Variants in PDZRN3 observed in about 807,000 individuals in gnomAD.
The protein encoded by PDZRN3 is PDZ domain containing ring finger 3.
Under a neutral mutation model 85.7 loss-of-function variants are expected in PDZRN3, and 38 were observed. The ratio of observed to expected loss-of-function variants is 0.44; its 90% CI spans 0.34 to 0.58. The LOEUF (loss-of-function observed/expected upper bound fraction) is 0.58. Among genes scored for constraint, PDZRN3 ranks in the 20% least tolerant of loss-of-function variants. The probability of loss-of-function intolerance (pLI) is 0.01; values close to 1 mark genes in which losing one functional copy is unlikely to be tolerated. For missense variants in PDZRN3, 1,629 were observed against 1,506.4 expected, an observed-to-expected ratio of 1.08 and a Z score of -1.35; for synonymous variants, 759 against 638.0, an observed-to-expected ratio of 1.19 and a Z score of -2.86.
At chr3:73,437,459 T>TC (rs1702552242) in intron 3 of PDZRN3, among the ~76,000 whole-genome samples, 1 of 152,120 alleles carries the variant, frequency 6.6e-6, no homozygotes, top group Admixed American at 6.6e-5. Context: ...ACCTCACAGA[T>TC]CCCCAGAAAC....
intron 3 of PDZRN3, among the ~76,000 whole-genome samples, chr3:73,413,545 T>A (rs1322446689): frequency 1.3e-5 from 2 of 152,154 alleles, no homozygotes; most frequent in Admixed American, 6.5e-5. Flanking sequence ...AGCAGCTTCC[T>A]AAAAGTTGTG....
intron 3 of PDZRN3, among the ~76,000 whole-genome samples, chr3:73,436,621 T>C (rs963503849): frequency 1.4e-5 from 2 of 140,464 alleles, no homozygotes; most frequent in Non-Finnish European, 3.0e-5. Flanking sequence ...ATTTTACACA[T>C]CCTTTTTACT....
At chr3:73,393,148 G>A (rs1701562937) in intron 5 of PDZRN3, among the ~76,000 whole-genome samples, 2 of 152,106 alleles carry the variant, frequency 1.3e-5, no homozygotes, top group African/African-American at 4.8e-5. Context: ...ACCCCTGCAG[G>A]AGACACATCT....
In PDZRN3 at chr3:73,624,909, G is replaced by C. The variant is rs1702948184; in HGVS notation, c.-84C>G. 1 of 1,077,472 alleles carries C rather than the reference G, an allele frequency of 9.3e-7. No individual in the cohort carries two copies. Among genetic ancestry groups the C allele is most frequent in the Non-Finnish European group, 1.2e-6 (1 of 845,482 alleles). The allele number at this position is 1,077,472 out of a possible 1,614,324, so 66.7% of individuals were successfully genotyped here. ...GAGGCGGCCCAGACAGGCCGGCTAC[G>C]CCGCCCGCGCGCTCGCTGGCTCTCC... On this transcript the variant is annotated 5_prime_UTR_variant, in exon 1 of 10. Coordinates refer to ENST00000263666, the MANE Select transcript of PDZRN3 (RefSeq NM_015009.3).
At chr3:73,391,328 T>C (rs1701523505) in intron 5 of PDZRN3, among the ~76,000 whole-genome samples, 1 of 152,254 alleles carries the variant, frequency 6.6e-6, no homozygotes, top group Non-Finnish European at 1.5e-5. Context: ...ATAAAGTCAT[T>C]TTGAAAATAG....
intron 3 of PDZRN3, among the ~76,000 whole-genome samples, chr3:73,463,319 G>C (rs1462265449): frequency 1.3e-5 from 2 of 152,190 alleles, no homozygotes; most frequent in Non-Finnish European, 2.9e-5. Context: ...AAGGTGCCTG[G>C]TTACTTACTC....
intron 3 of PDZRN3, among the ~76,000 whole-genome samples, chr3:73,600,108 C>G (rs1368982585): frequency 6.6e-6 from 1 of 152,122 alleles, no homozygotes; most frequent in Non-Finnish European, 1.5e-5. Flanking sequence ...CTGCTCTGGT[C>G]TCAGAGAACA....
intron 6 of PDZRN3, among the ~76,000 whole-genome samples, chr3:73,390,116 G>A (rs966966811): frequency 4.6e-5 from 7 of 152,152 alleles, no homozygotes; most frequent in Non-Finnish European, 8.8e-5. Context: ...ACAGCAGTGT[G>A]TGCAGGCTCT....
chr3:73,481,516 G>A lies in PDZRN3; in HGVS notation c.919-77121C>T, dbSNP rs533679666. ...TGGCTAATTTTGTATTTTTAGTAGA[G>A]ATGGGGTTTCTCCATGTTGGTCAGG... On this transcript the variant is annotated intron_variant, in intron 3 of 9. Coordinates refer to ENST00000263666, the MANE Select transcript of PDZRN3 (RefSeq NM_015009.3). 6.6e-5 allele frequency among the ~76,000 whole-genome samples: 10 copies of A among 152,174 alleles called. No individual in the cohort carries two copies. In the South Asian group the frequency reaches 2.1e-3, roughly 32 times the overall value.
intron 3 of PDZRN3, among the ~76,000 whole-genome samples, chr3:73,463,773 T>C (rs559570567): frequency 8.3e-4 from 126 of 152,308 alleles, no homozygotes; most frequent in Non-Finnish European, 9.8e-4. Context: ...TCAACCTAAA[T>C]GCCTATCAGT....
chr3:73,535,668 C>A (rs1046440851), intron 3 of PDZRN3, among the ~76,000 whole-genome samples: 1 of 152,214 alleles, frequency 6.6e-6, no homozygotes, highest in Non-Finnish European at 1.5e-5. Flanking sequence ...GAAAACAAGT[C>A]AAGTTCCATT....
chr3:73,568,627 A>G (rs1032310922), intron 3 of PDZRN3, among the ~76,000 whole-genome samples: 6 of 152,208 alleles, frequency 3.9e-5, no homozygotes, highest in Non-Finnish European at 7.4e-5. Flanking sequence ...TCAGCAGGGG[A>G]TTCCCGGGCA....
At chr3:73,569,218 C>T (rs1702004734) in intron 3 of PDZRN3, 1 of 1,288,784 alleles carries the variant, frequency 7.8e-7, no homozygotes, top group Admixed American at 2.3e-5. Context: ...TCTGAAGGTC[C>T]TTCATAAATA....
intron 3 of PDZRN3, among the ~76,000 whole-genome samples, chr3:73,513,795 G>C (rs1052358106): frequency 6.6e-6 from 1 of 152,198 alleles, no homozygotes; most frequent in African/African-American, 2.4e-5. Context: ...TAATAGCTTA[G>C]TTTGTTGTTC....
chr3:73,474,471 C>T (rs1328868884), intron 3 of PDZRN3: 1 of 1,285,858 alleles, frequency 7.8e-7, no homozygotes, highest in South Asian at 1.2e-5. Flanking sequence ...CCATCTTCCA[C>T]CATGGGGTTT....
At chr3:73,494,762 A>T (rs1703835324) in intron 3 of PDZRN3, among the ~76,000 whole-genome samples, 1 of 152,216 alleles carries the variant, frequency 6.6e-6, no homozygotes, top group South Asian at 2.1e-4. Flanking sequence ...ATGTAGTCTC[A>T]GTATCAAAAG....
At chr3:73,562,920 T>C (rs1162748601) in intron 3 of PDZRN3, among the ~76,000 whole-genome samples, 1 of 144,478 alleles carries the variant, frequency 6.9e-6, no homozygotes, top group Non-Finnish European at 1.5e-5. Context: ...TTTCTATGAA[T>C]GGAAAATACA....
At chr3:73,421,854 G>A (rs1488138997) in intron 3 of PDZRN3, among the ~76,000 whole-genome samples, 1 of 152,034 alleles carries the variant, frequency 6.6e-6, no homozygotes, top group South Asian at 2.1e-4. Flanking sequence ...TCACCATGTT[G>A]GCCAGGATGG....
intron 3 of PDZRN3, among the ~76,000 whole-genome samples, chr3:73,408,836 C>G (rs568500995): frequency 6.6e-6 from 1 of 152,162 alleles, no homozygotes; most frequent in African/African-American, 2.4e-5. Context: ...CTCCGGTGCA[C>G]GCCGTCAGCC....
Sources: allele counts gnomAD v4.1 joint callset (sites outside exome capture counted in the v4.1 genomes callset), GRCh38; gene constraint gnomAD v4.1.1; transcripts MANE v1.5; gene names NCBI Gene and HGNC (gene_info 2026-07-23, HGNC 2026-07-21).